The following RASA3 variants were observed in gnomAD, a reference collection of about 807,000 sequenced individuals.
RASA3 encodes the protein RAS p21 protein activator 3.
RASA3 carries 73 observed loss-of-function variants against 110.0 expected under a neutral mutation model. That is an observed-to-expected ratio of 0.66 (90% CI 0.55 to 0.81). The LOEUF (loss-of-function observed/expected upper bound fraction) is 0.81. Ranked by LOEUF, RASA3 falls within the 30% of genes least tolerant of loss-of-function variation. The pLI is 0.00. For missense variants in RASA3, 976 were observed against 1,113.2 expected, an observed-to-expected ratio of 0.88 and a Z score of 1.75; for synonymous variants, 500 against 451.4, an observed-to-expected ratio of 1.11 and a Z score of -1.37.
intron 21 of RASA3, among the ~76,000 whole-genome samples, chr13:113,993,985 C>T (rs2053179507): frequency 6.6e-6 from 1 of 152,098 alleles, no homozygotes; most frequent in East Asian, 1.9e-4. Context: ...CAAAATGCTG[C>T]CTTGTGCAGA....
At chr13:113,992,434 C>A in intron 22 of RASA3, 51 bp downstream of exon 22, 2 of 1,464,344 alleles carry the variant, frequency 1.4e-6, no homozygotes, top group Non-Finnish European at 9.5e-7. Flanking sequence ...GAGGCCGGGG[C>A]CTCGCCAGCC....
intron 8 of RASA3, 121 bp from the exon 9 acceptor site, chr13:114,021,629 C>T: frequency 1.4e-6 from 1 of 738,044 alleles, no homozygotes. Flanking sequence ...CCCAGAGTCT[C>T]CATCAAGGCT....
chr13:113,992,727 G>A, intron 21 of RASA3, 139 bp from the exon 22 acceptor site: 1 of 710,908 alleles, frequency 1.4e-6, no homozygotes, highest in Non-Finnish European at 2.4e-6. Context: ...TCGATTTGCT[G>A]TCCGTCTGTG....
chr13:114,033,701 C>A (rs2054226367), intron 4 of RASA3, among the ~76,000 whole-genome samples: 1 of 152,078 alleles, frequency 6.6e-6, no homozygotes, highest in Non-Finnish European at 1.5e-5. Context: ...CACACTTGAC[C>A]CAGCGCTCAC....
At position 113,979,149 on chromosome 13, in the gene RASA3, C is replaced by T. The variant is rs1295910038; in HGVS notation, c.*198G>A. 2 of 595,118 alleles carry T rather than the reference C, an allele frequency of 3.4e-6. No individual in the cohort carries two copies. The highest frequency in any genetic ancestry group is 6.0e-6 in the Non-Finnish European group (2 of 333,232). 36.9% of individuals were successfully genotyped at this position (595,118 alleles called of 1,614,324 possible). On this transcript the variant is annotated 3_prime_UTR_variant, in exon 24 of 24. Transcript: ENST00000334062. ...CAAATGACGACACGTTCCACAGGGC[C>T]AGGTGGGCTTTCTGCGGAGGGCGTG...
chr13:114,028,893 T>C (rs143416858), intron 5 of RASA3, among the ~76,000 whole-genome samples: 2,310 of 17,412 alleles, frequency 0.13, 514 homozygotes, highest in Admixed American at 0.18. Context: ...TCTAAAACAG[T>C]GTCATCCTGG....
chr13:113,999,778 G>A (rs1419191203), intron 19 of RASA3, 111 bp from the exon 20 acceptor site: 1 of 421,326 alleles, frequency 2.4e-6, no homozygotes, highest in African/African-American at 3.4e-5. Flanking sequence ...TTTACCGGGG[G>A]GTCTCTGCCA....
At chr13:113,996,981 G>A (rs566047314) in intron 20 of RASA3, among the ~76,000 whole-genome samples, 1 of 152,378 alleles carries the variant, frequency 6.6e-6, no homozygotes, top group South Asian at 2.1e-4. Context: ...GAGAACTGGT[G>A]CAGCTGGAGA....
chr13:114,065,134 TTCC>T lies in RASA3; in HGVS notation c.173+8583_173+8585del, dbSNP rs2079423800. Among the ~76,000 whole-genome samples the T allele has an allele frequency of 6.6e-6, 1 of 152,214 alleles. No individual in the cohort carries two copies. The highest frequency in any genetic ancestry group is 1.5e-5 in the Non-Finnish European group (1 of 68,036). ...ATGAGGGGAAACCATCTGAACTGAA[TTCC>T]TCCTCCTCCTGGAGCCTGGAGCAGG... On this transcript the variant is annotated intron_variant, in intron 2 of 23. Transcript: ENST00000334062. The surrounding 1 kb of genome is among the most constrained non-coding windows in gnomAD (Gnocchi z 4.1).
intron 1 of RASA3, among the ~76,000 whole-genome samples, chr13:114,088,472 G>C (rs926834506): frequency 3.9e-5 from 6 of 152,100 alleles, no homozygotes; most frequent in Non-Finnish European, 8.8e-5. Flanking sequence ...AGGAATGCCT[G>C]AAGAATCACA....
At chr13:113,996,968 G>A (rs2139132911) in intron 20 of RASA3, among the ~76,000 whole-genome samples, 1 of 152,366 alleles carries the variant, frequency 6.6e-6, no homozygotes, top group Admixed American at 6.5e-5. Flanking sequence ...GGGGAATGGA[G>A]GTGAGAACTG....
intron 2 of RASA3, among the ~76,000 whole-genome samples, chr13:114,055,199 G>A (rs772523272): frequency 1.3e-5 from 2 of 152,212 alleles, no homozygotes; most frequent in Non-Finnish European, 2.9e-5. Flanking sequence ...CCATGCATGT[G>A]CCCATACATG....
At chr13:114,018,056 C>G (rs749826824) in intron 11 of RASA3, 48 bp downstream of exon 11, 3 of 1,449,870 alleles carry the variant, frequency 2.1e-6, no homozygotes, top group Non-Finnish European at 2.7e-6. Context: ...CTTGCCATCC[C>G]TGTAGCGGGT....
rs1278763288 is a variant in RASA3, at chr13:114,057,447, G to C, written c.174-5292C>G. ...CACTCATTTTAATGAAGGCTCTGCAGGATTTCAAGGAAAGCTGGAGCCAGT... is the reference window on the plus strand; with the variant it reads ...CACTCATTTTAATGAAGGCTCTGCACGATTTCAAGGAAAGCTGGAGCCAGT... On this transcript the variant is annotated intron_variant, in intron 2 of 23. Transcript: ENST00000334062. The surrounding 1 kb of genome is among the most constrained non-coding windows in gnomAD (Gnocchi z 5.0). 4 of 985,400 alleles carry C rather than the reference G, an allele frequency of 4.1e-6. No homozygotes were observed. The highest frequency in any genetic ancestry group is 4.8e-6 in the Non-Finnish European group (4 of 829,914). The allele number at this position is 985,400 out of a possible 1,614,324, so 61.0% of individuals were successfully genotyped here.
At chr13:114,000,162 TGCTGGGGGTCTCTGCCA>T (rs2053360882) in intron 19 of RASA3, among the ~76,000 whole-genome samples, 1 of 106,754 alleles carries the variant, frequency 9.4e-6, no homozygotes, top group African/African-American at 4.3e-5. Flanking sequence ...GGGGTGTCTC[TGCTGGGGGTCTCTGCCA>T]GCTGGGGGTC....
intron 18 of RASA3, among the ~76,000 whole-genome samples, chr13:114,001,410 TCACA>T (rs1187619216): frequency 8.5e-6 from 1 of 117,826 alleles, no homozygotes; most frequent in Non-Finnish European, 1.8e-5. Context: ...CAGTGGACGC[TCACA>T]CACAGAGGAC....
At chr13:114,040,897 C>T (rs946347149) in intron 4 of RASA3, 103 bp downstream of exon 4, 8 of 1,112,324 alleles carry the variant, frequency 7.2e-6, no homozygotes, top group Middle Eastern at 3.0e-4. Flanking sequence ...CAGTCAAGGC[C>T]GAAGCCCGAT....
chr13:114,055,109 T>G (rs9525226), intron 2 of RASA3, among the ~76,000 whole-genome samples: 13,641 of 151,958 alleles, frequency 0.09, 1,323 homozygotes, highest in African/African-American at 0.23. Flanking sequence ...CCCGTATGTG[T>G]GTCCCCACAG....
chr13:114,042,604 T>C (rs2054435894), intron 3 of RASA3, among the ~76,000 whole-genome samples: 2 of 152,346 alleles, frequency 1.3e-5, no homozygotes, highest in South Asian at 4.1e-4. Context: ...TGACCTGGGC[T>C]CCCGGGAGCG....
Sources: gnomAD v4.1 joint callset for allele counts (sites outside exome capture counted in the v4.1 genomes callset) on GRCh38, gnomAD v4.1.1 for gene constraint, Gnocchi (gnomAD v3.1) non-coding constraint, MANE v1.5 for transcripts, NCBI Gene and HGNC (gene_info 2026-07-23, HGNC 2026-07-21) for gene names.